Variants in GSE1 observed in about 807,000 individuals in gnomAD.
GSE1 encodes genetic suppressor element 1.
In GSE1, 32 loss-of-function variants were observed where a neutral mutation model predicts 112.6. That is an observed-to-expected ratio of 0.28 (90% CI 0.21 to 0.38). GSE1 has a LOEUF of 0.38. Among genes scored for constraint, GSE1 ranks in the 10% least tolerant of loss-of-function variants. GSE1 has a pLI of 1.00. For synonymous variants in GSE1, 1,115 were observed against 735.6 expected (o/e 1.52, Z -8.35); for missense variants, 2,348 against 1,699.2 (o/e 1.38, Z -6.71).
intron 1 of GSE1, among the ~76,000 whole-genome samples, chr16:85,567,965 C>G (rs1453027273): frequency 1.3e-5 from 2 of 152,150 alleles, no homozygotes; most frequent in African/African-American, 2.4e-5. Flanking sequence ...CTCCAGTGAT[C>G]CTCCTGCCCC....
chr16:85,663,370 C>T lies in GSE1; in HGVS notation c.2400C>T (p.Gly800=). ...AGCTAGAGTTTTTGCAACTTTTTGG[C>T]TTGACCACCCAACAGCAGAAGGAGG... The part of the protein sequence containing the change: ...SEKLEFLQLF[G]LTTQQQKEEL... Residue 800 remains glycine, a synonymous_variant, in exon 11 of 16, where the codon GGC becomes GGT. Coordinates refer to ENST00000253458, the MANE Select transcript of GSE1 (RefSeq NM_014615.5). The T allele has an allele frequency of 6.2e-7, 1 of 1,613,528 alleles. No homozygotes were observed.
chr16:85,545,672 T>C (rs775944866), intron 2 of GSE1, among the ~76,000 whole-genome samples: 2 of 152,222 alleles, frequency 1.3e-5, no homozygotes, highest in African/African-American at 2.4e-5. Context: ...TGTAACAAGA[T>C]AATGTACTTA....
rs2074613811 is a variant in GSE1, at chr16:85,182,673, C to T, written c.2283+10866C>T. 5.3e-5 allele frequency among the ~76,000 whole-genome samples: 8 copies of T among 152,224 alleles called. No homozygotes were observed. In the South Asian group the frequency reaches 1.7e-3, roughly 32 times the overall value. On this transcript the variant is annotated intron_variant, in intron 1 of 2. Transcript: ENST00000637419. ...GTCTCTTGGCAGGTGACAAGGTGAA[C>T]CAGGCCTGTCTTTAGGGTTTAAGAC...
chr16:85,584,873 C>T (rs1435063448), intron 1 of GSE1, among the ~76,000 whole-genome samples: 2 of 151,630 alleles, frequency 1.3e-5, no homozygotes, highest in Admixed American at 1.3e-4. Context: ...GCTGCCAAGA[C>T]CCTCGCCCCC....
In GSE1 at chr16:85,263,256, C is replaced by CT. The variant is rs1014917279; in HGVS notation, c.2283+91459dup. On this transcript the variant is annotated intron_variant, in intron 1 of 2. Coordinates refer to the GSE1 transcript ENST00000637419. The stretch of plus-strand genomic sequence containing the variant: ...GCTTGTTTAGCAAAGATCATCAAAC[C>CT]TTTTTTTTTTGGCTTGTTAGAAATA... 3.3e-3 allele frequency among the ~76,000 whole-genome samples: 486 copies of CT among 147,554 alleles called. 4 individuals are homozygous for CT. The highest frequency in any genetic ancestry group is 7.4e-4 in the Non-Finnish European group (49 of 66,444).
In GSE1 at chr16:85,232,468, C is replaced by A. The variant is rs570337234; in HGVS notation, c.2283+60661C>A. Among the ~76,000 whole-genome samples, 7 of 152,232 alleles carry A rather than the reference C, an allele frequency of 4.6e-5. No individual in the cohort carries two copies. The South Asian group carries it at 1.4e-3, about 32-fold the overall frequency. ...ATGGTGTGGACAGGCTGTGAGTGTC[C>A]AGAGTGAAAGAGGAACGAGCTGCTC... On this transcript the variant is annotated intron_variant, in intron 1 of 2. Coordinates refer to the GSE1 transcript ENST00000637419.
chr16:85,351,602 A>T (rs1353331540), intron 1 of GSE1, among the ~76,000 whole-genome samples: 1 of 152,244 alleles, frequency 6.6e-6, no homozygotes, highest in Non-Finnish European at 1.5e-5. Context: ...GGTAATGGTT[A>T]CACAGCTTGT....
intron 1 of GSE1, among the ~76,000 whole-genome samples, chr16:85,579,656 C>T (rs1213188367): frequency 1.3e-5 from 2 of 152,176 alleles, no homozygotes; most frequent in Admixed American, 1.3e-4. Context: ...GGTGCGGCCT[C>T]CCGTCTCTCT....
chr16:85,352,004 C>CA (rs36069464), intron 1 of GSE1, among the ~76,000 whole-genome samples: 26 of 151,714 alleles, frequency 1.7e-4, no homozygotes, highest in Non-Finnish European at 2.2e-4. Context: ...CAAAAACAAA[C>CA]AAAAAAAAAA....
At chr16:85,572,091 A>C (rs1372126429) in intron 1 of GSE1, among the ~76,000 whole-genome samples, 1 of 150,530 alleles carries the variant, frequency 6.6e-6, no homozygotes, top group Non-Finnish European at 1.5e-5. Flanking sequence ...CCCACACCCC[A>C]CATACCACAC....
chr16:85,389,845 G>C (rs917912771), intron 2 of GSE1, among the ~76,000 whole-genome samples: 1 of 152,202 alleles, frequency 6.6e-6, no homozygotes, highest in African/African-American at 2.4e-5. Context: ...CTGAGGCCCA[G>C]AGAGGGGCGT....
intron 14 of GSE1, among the ~76,000 whole-genome samples, chr16:85,669,144 C>T (rs1024942444): frequency 1.3e-5 from 2 of 152,240 alleles, no homozygotes; most frequent in Non-Finnish European, 2.9e-5. Flanking sequence ...CCTCAGTTTC[C>T]CTAGGATATT....
At chr16:85,299,994 T>C (rs563891843) in intron 1 of GSE1, among the ~76,000 whole-genome samples, 38 of 150,292 alleles carry the variant, frequency 2.5e-4, no homozygotes, top group Middle Eastern at 3.5e-3. Flanking sequence ...GAAACATATA[T>C]AACATACAAT....
chr16:85,537,282 G>A (rs372253579), intron 2 of GSE1, among the ~76,000 whole-genome samples: 1 of 152,236 alleles, frequency 6.6e-6, no homozygotes, highest in African/African-American at 2.4e-5. Flanking sequence ...AAGAGGAGCC[G>A]ATCCTGATTT....
intron 1 of GSE1, among the ~76,000 whole-genome samples, chr16:85,275,801 G>A (rs1194232447): frequency 6.6e-6 from 1 of 152,204 alleles, no homozygotes; most frequent in Admixed American, 6.5e-5. Flanking sequence ...AGCAGATGGC[G>A]CCCTCGGCCT....
At chr16:85,176,679 C>G (rs1377217147) in intron 1 of GSE1, among the ~76,000 whole-genome samples, 1 of 152,382 alleles carries the variant, frequency 6.6e-6, no homozygotes, top group African/African-American at 2.4e-5. Context: ...TAACCATACC[C>G]CAGCCTCTCA....
chr16:85,222,715 C>T (rs749772591), intron 1 of GSE1, among the ~76,000 whole-genome samples: 80 of 152,166 alleles, frequency 5.3e-4, no homozygotes, highest in African/African-American at 1.9e-3. Flanking sequence ...TCCGTCTCTG[C>T]GTGGACTGCC....
At position 85,655,717 on chromosome 16, in the gene GSE1, T is replaced by C; in HGVS notation, c.798-9T>C. 1 of 1,583,472 alleles carries C rather than the reference T, an allele frequency of 6.3e-7. No individual in the cohort carries two copies. The highest frequency in any genetic ancestry group is 8.6e-7 in the Non-Finnish European group (1 of 1,162,788). ...ATTTGCTGCTCACAGCCCCGTCTTC[T>C]CTGCACAGGATGGACGACTCCTACT... On this transcript the variant is annotated splice_polypyrimidine_tract_variant and intron_variant, in intron 5 of 15. Coordinates refer to ENST00000253458, the MANE Select transcript of GSE1 (RefSeq NM_014615.5).
At chr16:85,429,559 G>T (rs1448350072) in intron 2 of GSE1, among the ~76,000 whole-genome samples, 1 of 152,210 alleles carries the variant, frequency 6.6e-6, no homozygotes, top group African/African-American at 2.4e-5. Flanking sequence ...AAAAGCCAGA[G>T]TCCTTAGCCT....
Sources: gnomAD v4.1 joint callset for allele counts (sites outside exome capture counted in the v4.1 genomes callset) on GRCh38, gnomAD v4.1.1 for gene constraint, MANE v1.5 for transcripts, NCBI Gene and HGNC (gene_info 2026-07-23, HGNC 2026-07-21) for gene names.